SLC27A2: variants seen among roughly 807,000 people sequenced by gnomAD.
SLC27A2 encodes long-chain fatty acid transport protein 2.
Under a neutral mutation model 60.0 loss-of-function variants are expected in SLC27A2, and 54 were observed. The observed-to-expected ratio is 0.90, with a 90% CI of 0.72 to 1.13. SLC27A2 has a LOEUF of 1.13. Among genes scored for constraint, SLC27A2 ranks in the 50% most tolerant of loss-of-function variants. The probability of loss-of-function intolerance (pLI) is 0.00; values close to 1 mark genes in which losing one functional copy is unlikely to be tolerated. For missense variants in SLC27A2, 739 were observed against 777.6 expected (o/e 0.95, Z 0.59); for synonymous variants, 297 against 297.6 (o/e 1.00, Z 0.02).
At chr15:50,187,136 A>G (rs949570927) in intron 1 of SLC27A2, among the ~76,000 whole-genome samples, 1 of 152,240 alleles carries the variant, frequency 6.6e-6, no homozygotes, top group Admixed American at 6.5e-5. Flanking sequence ...CAATTTTACT[A>G]TAGTTACAGA....
chr15:50,202,395 A>G, intron 2 of SLC27A2, 92 bp from the exon 3 acceptor site: 2 of 1,306,638 alleles, frequency 1.5e-6, no homozygotes, highest in East Asian at 2.3e-5. Flanking sequence ...CTCAAAATAC[A>G]GGGTGATGAA....
chr15:50,231,118 G>C (rs2045313660), intron 8 of SLC27A2, among the ~76,000 whole-genome samples: 1 of 150,650 alleles, frequency 6.6e-6, no homozygotes, highest in Non-Finnish European at 1.5e-5. Flanking sequence ...TTGTAAGTGT[G>C]TAAAATACCA....
chr15:50,212,100 A>C (rs1218313110), intron 4 of SLC27A2, among the ~76,000 whole-genome samples: 1 of 151,510 alleles, frequency 6.6e-6, no homozygotes, highest in Admixed American at 6.6e-5. Context: ...AGTAAATGAA[A>C]AAAACAAGCA....
chr15:50,212,034 G>A (rs1197021054), intron 4 of SLC27A2, among the ~76,000 whole-genome samples: 3 of 136,584 alleles, frequency 2.2e-5, no homozygotes, highest in Non-Finnish European at 4.5e-5. Flanking sequence ...TCGCGCCACT[G>A]CACTCCAGCC....
chr15:50,225,477 T>A (rs1480674820), intron 5 of SLC27A2, among the ~76,000 whole-genome samples: 1 of 152,186 alleles, frequency 6.6e-6, no homozygotes, highest in Non-Finnish European at 1.5e-5. Context: ...CATATTAATA[T>A]AAGGTTATAC....
intron 1 of SLC27A2, among the ~76,000 whole-genome samples, chr15:50,190,637 G>A (rs2044965586): frequency 6.6e-6 from 1 of 151,324 alleles, no homozygotes; most frequent in African/African-American, 2.4e-5. Flanking sequence ...AAAAAAGGCA[G>A]GGGCAGACTT....
At chr15:50,199,814 G>C (rs2045050856) in intron 2 of SLC27A2, among the ~76,000 whole-genome samples, 1 of 152,172 alleles carries the variant, frequency 6.6e-6, no homozygotes, top group African/African-American at 2.4e-5. Context: ...TGTAGTCCTA[G>C]CTACTTGGGA....
chr15:50,182,394 T>C lies in SLC27A2; in HGVS notation c.-34T>C, dbSNP rs550597539. 1.3e-6 allele frequency: 2 copies of C among 1,544,506 alleles called. No individual in the cohort carries two copies. The highest frequency in any genetic ancestry group is 2.3e-5 in the East Asian group (1 of 43,042). ...CGCTGCACGCCCGGGGTGAACCCTC[T>C]GCCCTCGCTGGGACAGAGGGCCCCG... On this transcript the variant is annotated 5_prime_UTR_variant, in exon 1 of 10. Coordinates refer to ENST00000267842, the MANE Select transcript of SLC27A2 (RefSeq NM_003645.4).
chr15:50,221,179 A>G (rs548701720), intron 4 of SLC27A2, among the ~76,000 whole-genome samples: 2 of 151,942 alleles, frequency 1.3e-5, no homozygotes, highest in South Asian at 2.1e-4. Context: ...TAGGCAATGG[A>G]GCAAGACCCT....
At chr15:50,187,636 G>A (rs1386644810) in intron 1 of SLC27A2, among the ~76,000 whole-genome samples, 3 of 152,110 alleles carry the variant, frequency 2.0e-5, no homozygotes, top group Non-Finnish European at 4.4e-5. Flanking sequence ...CTTATGCAAG[G>A]CTTTAGTAAC....
intron 4 of SLC27A2, among the ~76,000 whole-genome samples, chr15:50,208,844 C>A (rs2140905314): frequency 6.6e-6 from 1 of 152,276 alleles, no homozygotes; most frequent in South Asian, 2.1e-4. Context: ...TAATGAAAGG[C>A]CATTCTGATT....
At chr15:50,183,994 CTTTT>C (rs577766814) in intron 1 of SLC27A2, among the ~76,000 whole-genome samples, 36 of 91,170 alleles carry the variant, frequency 3.9e-4, no homozygotes, top group African/African-American at 1.2e-3. Flanking sequence ...TTTCCTACAT[CTTTT>C]TTTTTTTTTT....
chr15:50,184,417 G>A (rs1045983417), intron 1 of SLC27A2, among the ~76,000 whole-genome samples: 6 of 152,138 alleles, frequency 3.9e-5, no homozygotes, highest in South Asian at 2.1e-4. Flanking sequence ...CAAGCTAAGC[G>A]GGTTACAGAA....
At chr15:50,204,656 C>T (rs1265882246) in intron 3 of SLC27A2, among the ~76,000 whole-genome samples, 1 of 151,750 alleles carries the variant, frequency 6.6e-6, no homozygotes, top group Non-Finnish European at 1.5e-5. Context: ...TCACTTGAAC[C>T]TGGGGGGCGG....
Position 50,223,039 on chromosome 15 carries a change from T to C in SLC27A2, c.1047T>C (p.Phe349=), listed in dbSNP as rs763211576. The change falls in exon 5 of 10, where the codon TTT becomes TTC. Residue 349 remains phenylalanine, a synonymous_variant. Coordinates refer to ENST00000267842, the MANE Select transcript of SLC27A2 (RefSeq NM_003645.4). The part of the protein sequence containing the change: ...NGLRGDVWRQ[F]VKRFGDICIY... ...TACGAGGAGATGTGTGGAGACAATTTGTCAAGAGATTTGGGGACATATGCA... is the reference window on the plus strand; with the variant it reads ...TACGAGGAGATGTGTGGAGACAATTCGTCAAGAGATTTGGGGACATATGCA... 168 of 1,613,940 alleles carry C rather than the reference T, an allele frequency of 1.0e-4. No individual in the cohort carries two copies. Among genetic ancestry groups the C allele is most frequent in the Non-Finnish European group, 5.9e-6 (7 of 1,179,970 alleles).
At chr15:50,198,910 A>G (rs2045044145) in intron 2 of SLC27A2, among the ~76,000 whole-genome samples, 1 of 152,102 alleles carries the variant, frequency 6.6e-6, no homozygotes, top group African/African-American at 2.4e-5. Context: ...CAGTTCCTGG[A>G]CCTGAGTTTA....
chr15:50,231,066 G>A (rs2045313476), intron 8 of SLC27A2, among the ~76,000 whole-genome samples: 2 of 151,662 alleles, frequency 1.3e-5, no homozygotes, highest in Admixed American at 1.3e-4. Flanking sequence ...AGGGGGTGAT[G>A]AAAATGCACT....
Position 50,236,332 on chromosome 15 carries a change from G to A in SLC27A2, c.*236G>A. 5.3e-6 allele frequency: 2 copies of A among 376,406 alleles called. No individual in the cohort carries two copies. The highest frequency in any genetic ancestry group is 9.4e-6 in the Non-Finnish European group (2 of 212,842). The allele number at this position is 376,406 out of a possible 1,614,324, so 23.3% of individuals were successfully genotyped here. A position where few individuals can be genotyped will look rare whatever the true frequency, so the allele number is the denominator to read the frequency against. ...TATTTGCAAACTGAGCTTGTTGGAG[G>A]GAAGGCATTATTTTTTAAAATACTT... On this transcript the variant is annotated 3_prime_UTR_variant, in exon 10 of 10. Coordinates refer to ENST00000267842, the MANE Select transcript of SLC27A2 (RefSeq NM_003645.4).
chr15:50,228,527 C>A (rs983889434), intron 7 of SLC27A2, among the ~76,000 whole-genome samples: 1 of 151,336 alleles, frequency 6.6e-6, no homozygotes, highest in Non-Finnish European at 1.5e-5. Flanking sequence ...GCCGTGAGAC[C>A]CTGAAATAAA....
Sources: gnomAD v4.1 joint callset for allele counts (sites outside exome capture counted in the v4.1 genomes callset) on GRCh38, gnomAD v4.1.1 for gene constraint, MANE v1.5 for transcripts, NCBI Gene and HGNC (gene_info 2026-07-23, HGNC 2026-07-21) for gene names.